The following RAB15 variants were observed in gnomAD, a reference collection of about 807,000 sequenced individuals.
RAB15 encodes the protein RAB15, member RAS oncogene family.
RAB15 carries 13 observed loss-of-function variants against 31.8 expected under a neutral mutation model. The ratio of observed to expected loss-of-function variants is 0.41; its 90% CI spans 0.27 to 0.65. RAB15 has a LOEUF of 0.65. RAB15 is among the 30% of genes least tolerant of loss of function. The pLI, the probability that RAB15 is intolerant of heterozygous loss-of-function variation, is 0.32. For missense variants in RAB15, 220 were observed against 277.3 expected (o/e 0.79, Z 1.47); for synonymous variants, 100 against 105.6 (o/e 0.95, Z 0.33).
rs1886905869 is a variant in RAB15 at position 64,962,272 on chromosome 14, TAACTTCCCTCAGGGAAG to T, written c.124+9664_124+9680del. On this transcript the variant is annotated intron_variant, in intron 1 of 6. Transcript: ENST00000533601. The surrounding 1 kb of genome is among the most constrained non-coding windows in gnomAD (Gnocchi z 4.2). ...AGTCCCAAGAAACCAATACGACCTATAACTTCCCTCAGGGAAGAACAGAAGTCCTCTAGGAAAATGCA... is the reference window on the plus strand; with the variant it reads ...AGTCCCAAGAAACCAATACGACCTATAACAGAAGTCCTCTAGGAAAATGCA... Among the ~76,000 whole-genome samples, 1 of 152,306 alleles carries T rather than the reference TAACTTCCCTCAGGGAAG, an allele frequency of 6.6e-6. No homozygotes were observed. Among genetic ancestry groups the T allele is most frequent in the South Asian group, 2.1e-4 (1 of 4,824 alleles).
At position 64,972,081 on chromosome 14, in the gene RAB15, G is replaced by C; in HGVS notation, c.-5C>G. ...CACATCGTACTGCTTCGCCATGACT[G>C]GGGCCAGCGGGGCCGGGAACTGCGG... On this transcript the variant is annotated 5_prime_UTR_variant, in exon 1 of 7. Transcript: ENST00000533601. The surrounding 1 kb of genome is among the most constrained non-coding windows in gnomAD (Gnocchi z 6.3). 1 of 1,594,846 alleles carries C rather than the reference G, an allele frequency of 6.3e-7. No homozygotes were observed.
chr14:64,956,209 C>T (rs1175210821), intron 1 of RAB15, among the ~76,000 whole-genome samples: 2 of 152,030 alleles, frequency 1.3e-5, no homozygotes, highest in Non-Finnish European at 2.9e-5. Context: ...TTGAGACCAG[C>T]CTGGCCAACA....
Position 64,952,626 on chromosome 14 carries a change from A to G in RAB15, c.125-55T>C. Reference sequence around the variant, plus strand: ...GAAAGCGTACCCACGAGAAATGAACAGGAAAGGGCCAGGCAATCACACTTG... The same window carrying G: ...GAAAGCGTACCCACGAGAAATGAACGGGAAAGGGCCAGGCAATCACACTTG... On this transcript the variant is annotated intron_variant, in intron 1 of 6. Coordinates refer to ENST00000533601, the MANE Select transcript of RAB15 (RefSeq NM_001308154.2). The surrounding 1 kb of genome is among the most constrained non-coding windows in gnomAD (Gnocchi z 4.2). 1 of 1,314,750 alleles carries G rather than the reference A, an allele frequency of 7.6e-7. No individual in the cohort carries two copies. The highest frequency in any genetic ancestry group is 1.1e-6 in the Non-Finnish European group (1 of 917,678). 81.4% of individuals were successfully genotyped at this position (1,314,750 alleles called of 1,614,324 possible).
rs1268120163 is a variant in RAB15 at position 64,946,899 on chromosome 14, G to A, written c.*1455C>T. The A allele has an allele frequency of 6.6e-6, 1 of 152,554 alleles. No homozygotes were observed. The highest frequency in any genetic ancestry group is 2.4e-5 in the African/African-American group (1 of 41,408). 9.5% of individuals were successfully genotyped at this position (152,554 alleles called of 1,614,324 possible). On this transcript the variant is annotated 3_prime_UTR_variant, in exon 7 of 7. Transcript: ENST00000533601. ...AAAGGGCCTCCTACGAGCTACTCTT[G>A]GGCCATATGGGGTTAAAGAAACTTC...
At chr14:64,961,650 G>A (rs1886865177) in intron 1 of RAB15, among the ~76,000 whole-genome samples, 1 of 152,180 alleles carries the variant, frequency 6.6e-6, no homozygotes, top group Admixed American at 6.5e-5. Flanking sequence ...GCTCACACCT[G>A]TAAACCCAGC....
intron 1 of RAB15, among the ~76,000 whole-genome samples, chr14:64,957,151 A>T (rs1414002522): frequency 6.7e-6 from 1 of 150,318 alleles, no homozygotes; most frequent in Non-Finnish European, 1.5e-5. Context: ...TGCCTAGACT[A>T]GTCTTGAACT....
chr14:64,957,705 A>G (rs1004017602), intron 1 of RAB15, among the ~76,000 whole-genome samples: 1 of 152,148 alleles, frequency 6.6e-6, no homozygotes, highest in African/African-American at 2.4e-5. Flanking sequence ...CCACTGACTC[A>G]TGTTCCCACA....
rs1594939110 is a variant in RAB15 at position 64,954,626 on chromosome 14, C to T, written c.125-2055G>A. The T allele has an allele frequency of 1.4e-6, 1 of 697,124 alleles. No homozygotes were observed. Among genetic ancestry groups the T allele is most frequent in the Non-Finnish European group, 1.8e-6 (1 of 566,556 alleles). The allele number at this position is 697,124 out of a possible 1,614,324, so 43.2% of individuals were successfully genotyped here. A position where few individuals can be genotyped will look rare whatever the true frequency, so the allele number is the denominator to read the frequency against. The stretch of plus-strand genomic sequence containing the variant: ...AGCAGTGAAAAAGACATGGCCCCTG[C>T]CCTCAGAGAGCCTAGTGGAAAGGAA... On this transcript the variant is annotated intron_variant, in intron 1 of 6. Transcript: ENST00000533601. The surrounding 1 kb of genome is among the most constrained non-coding windows in gnomAD (Gnocchi z 4.3).
rs1359996719 is a variant in RAB15 at position 64,952,610 on chromosome 14, C to T, written c.125-39G>A. On this transcript the variant is annotated intron_variant, in intron 1 of 6. Coordinates refer to ENST00000533601, the MANE Select transcript of RAB15 (RefSeq NM_001308154.2). The surrounding 1 kb of genome is among the most constrained non-coding windows in gnomAD (Gnocchi z 4.2). ...GAAAGAAAGAAAGTTAGAAAGCGTA[C>T]CCACGAGAAATGAACAGGAAAGGGC... 1 of 1,480,440 alleles carries T rather than the reference C, an allele frequency of 6.8e-7. No individual in the cohort carries two copies. The highest frequency in any genetic ancestry group is 1.1e-5 in the South Asian group (1 of 88,030). 91.7% of individuals were successfully genotyped at this position (1,480,440 alleles called of 1,614,324 possible).
At position 64,971,538 on chromosome 14, in the gene RAB15, G is replaced by A. The variant is rs1272626473; in HGVS notation, c.124+415C>T. On this transcript the variant is annotated intron_variant, in intron 1 of 6. Transcript: ENST00000533601. The surrounding 1 kb of genome is among the most constrained non-coding windows in gnomAD (Gnocchi z 4.1). ...CACCTTGGGTCACCACAGAACCAAG[G>A]GCGCCTCAGTGACTCCGGTCTCCAC... 6.6e-6 allele frequency among the ~76,000 whole-genome samples: 1 copy of A among 151,640 alleles called. No homozygotes were observed. Among genetic ancestry groups the A allele is most frequent in the Non-Finnish European group, 1.5e-5 (1 of 67,844 alleles).
At position 64,951,399 on chromosome 14, in the gene RAB15, G is replaced by C. The variant is rs10138545; in HGVS notation, c.246+204C>G. On this transcript the variant is annotated intron_variant, in intron 3 of 6. Coordinates refer to ENST00000533601, the MANE Select transcript of RAB15 (RefSeq NM_001308154.2). The surrounding 1 kb of genome is among the most constrained non-coding windows in gnomAD (Gnocchi z 7.2). ...ACCCAGGATGGAGGGTGGAAGTCAG[G>C]GGTGAGGGCAGGGGCCTGCCTGCAG... Among the ~76,000 whole-genome samples the C allele has an allele frequency of 6.6e-6, 1 of 152,210 alleles. No individual in the cohort carries two copies. The highest frequency in any genetic ancestry group is 1.5e-5 in the Non-Finnish European group (1 of 68,038).
Position 64,948,818 on chromosome 14 carries a change from C to T in RAB15, c.415-85G>A, listed in dbSNP as rs1886070162. 6.9e-6 allele frequency: 8 copies of T among 1,162,054 alleles called. No individual in the cohort carries two copies. The Admixed American group carries it at 7.4e-5, about 11-fold the overall frequency. 72.0% of individuals were successfully genotyped at this position (1,162,054 alleles called of 1,614,324 possible). A position where few individuals can be genotyped will look rare whatever the true frequency, so the allele number is the denominator to read the frequency against. ...CCAGGCACAGGCTTCTGCCACTGCA[C>T]TCACAACCATGCTGTGTTGTGACGA... On this transcript the variant is annotated intron_variant, in intron 5 of 6. Coordinates refer to ENST00000533601, the MANE Select transcript of RAB15 (RefSeq NM_001308154.2). This position sits in a 1 kb window ranked among gnomAD's most constrained non-coding sequence, Gnocchi z 7.0.
chr14:64,948,689 G>A lies in RAB15; in HGVS notation c.459C>T (p.Cys153=), dbSNP rs1886059916. 2 of 1,614,022 alleles carry A rather than the reference G, an allele frequency of 1.2e-6. No homozygotes were observed. Among genetic ancestry groups the A allele is most frequent in the African/African-American group, 1.3e-5 (1 of 74,922 alleles). The change falls in exon 6 of 7, where the codon TGC becomes TGT. Residue 153 remains cysteine, a synonymous_variant. Transcript: ENST00000533601. This position sits in a 1 kb window ranked among gnomAD's most constrained non-coding sequence, Gnocchi z 7.0. ...TCACCTCTTTAATGTTGAGGTTGGT[G>A]CAGGCACTTGTTTCATAGAAGTCCA... ...YGMDFYETSA[C]TNLNIKESFT... is the part of the protein sequence containing the mutation.
rs764705869 is a variant in RAB15, at chr14:64,971,913, G to A, written c.124+40C>T. ...CGGGGGCGGCGGGGAAAGGGGCCGC[G>A]GGCGGGGAGGGAGGGGCGCCCCGGG... On this transcript the variant is annotated intron_variant, in intron 1 of 6. Coordinates refer to ENST00000533601, the MANE Select transcript of RAB15 (RefSeq NM_001308154.2). The surrounding 1 kb of genome is among the most constrained non-coding windows in gnomAD (Gnocchi z 4.1). The A allele has an allele frequency of 3.3e-6, 5 of 1,534,710 alleles. No homozygotes were observed. The highest frequency in any genetic ancestry group is 4.4e-6 in the Non-Finnish European group (5 of 1,138,988).
chr14:64,969,912 A>G (rs1168951625), intron 1 of RAB15, among the ~76,000 whole-genome samples: 2 of 152,160 alleles, frequency 1.3e-5, no homozygotes, highest in African/African-American at 4.8e-5. Flanking sequence ...CTCTTTAAGG[A>G]GAGCACGAGC....
rs1886006024 is a variant in RAB15, at chr14:64,947,957, G to A, written c.*397C>T. Reference sequence around the variant, plus strand: ...GAAACGCACCGGAGGGGAGGGGTCAGAGAAAGAGAAGTGGGGGAAGAGAGA... The same window carrying A: ...GAAACGCACCGGAGGGGAGGGGTCAAAGAAAGAGAAGTGGGGGAAGAGAGA... On this transcript the variant is annotated 3_prime_UTR_variant, in exon 7 of 7. Transcript: ENST00000533601. The surrounding 1 kb of genome is among the most constrained non-coding windows in gnomAD (Gnocchi z 5.6). 5.7e-6 allele frequency: 1 copy of A among 176,852 alleles called. No individual in the cohort carries two copies. Among genetic ancestry groups the A allele is most frequent in the Admixed American group, 6.3e-5 (1 of 15,948 alleles). 11.0% of individuals were successfully genotyped at this position (176,852 alleles called of 1,614,324 possible). A position where few individuals can be genotyped will look rare whatever the true frequency, so the allele number is the denominator to read the frequency against.
intron 1 of RAB15, among the ~76,000 whole-genome samples, chr14:64,964,244 C>T (rs553380395): frequency 6.6e-6 from 1 of 152,182 alleles, no homozygotes; most frequent in African/African-American, 2.4e-5. Context: ...CACTTTTAGG[C>T]CGGGCGTGGT....
rs1566852120 is a variant in RAB15, at chr14:64,971,890, G to GGGGCGGCGGGGAAAGGGGCCGC, written c.124+41_124+62dup. 1.6e-5 allele frequency: 24 copies of GGGGCGGCGGGGAAAGGGGCCGC among 1,478,808 alleles called. No individual in the cohort carries two copies. Among genetic ancestry groups the GGGGCGGCGGGGAAAGGGGCCGC allele is most frequent in the Non-Finnish European group, 2.2e-5 (24 of 1,095,412 alleles). 91.6% of individuals were successfully genotyped at this position (1,478,808 alleles called of 1,614,324 possible). A position where few individuals can be genotyped will look rare whatever the true frequency, so the allele number is the denominator to read the frequency against. ...GGCAATTCCTCCCCAGCTGGGGACG[G>GGGGCGGCGGGGAAAGGGGCCGC]GGGCGGCGGGGAAAGGGGCCGCGGG... is the stretch of plus-strand genomic sequence containing the variant. On this transcript the variant is annotated intron_variant, in intron 1 of 6. Coordinates refer to ENST00000533601, the MANE Select transcript of RAB15 (RefSeq NM_001308154.2). This position sits in a 1 kb window ranked among gnomAD's most constrained non-coding sequence, Gnocchi z 4.1.
intron 1 of RAB15, among the ~76,000 whole-genome samples, chr14:64,960,875 G>A (rs889708860): frequency 6.6e-6 from 1 of 152,170 alleles, no homozygotes; most frequent in African/African-American, 2.4e-5. Flanking sequence ...CCCCCTGTGG[G>A]GCCCAGATGG....
Sources: allele counts gnomAD v4.1 joint callset (sites outside exome capture counted in the v4.1 genomes callset), GRCh38; gene constraint gnomAD v4.1.1; non-coding constraint Gnocchi (gnomAD v3.1); transcripts MANE v1.5; gene names NCBI Gene and HGNC (gene_info 2026-07-23, HGNC 2026-07-21).